The following PDX1 variants were observed in gnomAD, a reference collection of about 807,000 sequenced individuals.
PDX1 encodes the protein pancreatic and duodenal homeobox 1, also known as pancreas/duodenum homeobox protein 1.
A neutral mutation model predicts 11.1 loss-of-function variants in PDX1; 7 were observed. The ratio of observed to expected loss-of-function variants is 0.63; its 90% CI spans 0.36 to 1.19. PDX1 has a LOEUF of 1.19. Among genes scored for constraint, PDX1 ranks in the 50% most tolerant of loss-of-function variants. PDX1 has a pLI of 0.02. For synonymous variants in PDX1, 232 were observed against 196.2 expected, an observed-to-expected ratio of 1.18 and a Z score of -1.53; for missense variants, 449 against 412.1, an observed-to-expected ratio of 1.09 and a Z score of -0.78.
Position 27,926,291 on chromosome 13 carries a change from A to T in PDX1, c.*1590A>T, listed in dbSNP as rs1957825817. The T allele has an allele frequency of 6.6e-6, 1 of 152,202 alleles. No individual in the cohort carries two copies. The highest frequency in any genetic ancestry group is 2.1e-4 in the South Asian group (1 of 4,828). 9.4% of individuals were successfully genotyped at this position (152,202 alleles called of 1,614,324 possible). On this transcript the variant is annotated 3_prime_UTR_variant, in exon 2 of 2. Transcript: ENST00000381033. ...GGGATGATTCGAATTCACTTTTAAA[A>T]TTAAATTAGCGTGTTTTGTTTTGTT... is the stretch of plus-strand genomic sequence containing the variant.
At position 27,925,303 on chromosome 13, in the gene PDX1, CTCCTCT is replaced by C. The variant is rs1764799852; in HGVS notation, c.*614_*619del. 6.2e-6 allele frequency: 1 copy of C among 161,252 alleles called. No homozygotes were observed. Among genetic ancestry groups the C allele is most frequent in the Non-Finnish European group, 1.3e-5 (1 of 76,048 alleles). 10.0% of individuals were successfully genotyped at this position (161,252 alleles called of 1,614,324 possible). A position where few individuals can be genotyped will look rare whatever the true frequency, so the allele number is the denominator to read the frequency against. On this transcript the variant is annotated 3_prime_UTR_variant, in exon 2 of 2. Transcript: ENST00000381033. ...CTTCCTCCTCCTCCTCTTCTTTTCC[CTCCTCT>C]TCCTCTTCCTCCTGCTCTCCTTTCC... is the stretch of plus-strand genomic sequence containing the variant.
intron 1 of PDX1, among the ~76,000 whole-genome samples, chr13:27,922,401 C>T (rs1432335455): frequency 1.3e-5 from 2 of 152,208 alleles, no homozygotes; most frequent in Non-Finnish European, 2.9e-5. Flanking sequence ...CTGCTATCCC[C>T]GCGTTCCTCT....
Position 27,920,082 on chromosome 13 carries a change from C to T in PDX1, c.-57C>T, listed in dbSNP as rs1055620101. ...CACAGTGCCAAATCCCCGGCTCCAG[C>T]TCCCGACTCCCGGCTCCCGGCTCCC... On this transcript the variant is annotated 5_prime_UTR_variant, in exon 1 of 2. Coordinates refer to ENST00000381033, the MANE Select transcript of PDX1 (RefSeq NM_000209.4). 10 of 1,545,206 alleles carry T rather than the reference C, an allele frequency of 6.5e-6. No individual in the cohort carries two copies. In the African/African-American group the frequency reaches 1.2e-4, roughly 19 times the overall value.
chr13:27,920,433 C>A lies in PDX1; in HGVS notation c.295C>A (p.Pro99Thr), dbSNP rs1375604780. 6.3e-7 allele frequency: 1 copy of A among 1,579,320 alleles called. No homozygotes were observed. The highest frequency in any genetic ancestry group is 2.3e-5 in the East Asian group (1 of 43,330). The change falls in exon 1 of 2, where the codon CCC becomes ACC. Residue 99 changes from proline to threonine, a missense_variant. Transcript: ENST00000381033. ...QLALPHPPAGPFPEGAEPGVL... is the reference protein window; with the variant it reads ...QLALPHPPAGTFPEGAEPGVL... ...CGCGCTCCCCCACCCGCCCGCCGGGCCCTTCCCGGAGGGAGCCGAGCCGGG... is the reference window on the plus strand; with the variant it reads ...CGCGCTCCCCCACCCGCCCGCCGGGACCTTCCCGGAGGGAGCCGAGCCGGG...
intron 1 of PDX1, among the ~76,000 whole-genome samples, chr13:27,922,772 A>G (rs1957797105): frequency 6.6e-6 from 1 of 152,232 alleles, no homozygotes; most frequent in African/African-American, 2.4e-5. Flanking sequence ...CGCAGGGACT[A>G]TACGAAGCCC....
chr13:27,924,504 G>T lies in PDX1; in HGVS notation c.655G>T (p.Gly219Trp), dbSNP rs756067225. 6 of 1,611,086 alleles carry T rather than the reference G, an allele frequency of 3.7e-6. No homozygotes were observed. The highest frequency in any genetic ancestry group is 5.1e-6 in the Non-Finnish European group (6 of 1,179,364). Residue 219 changes from glycine (G) to tryptophan (W), a missense_variant, in exon 2 of 2, where the codon GGG becomes TGG. Physicochemically the swap from Gly to Trp is radical, Grantham distance 184. Coordinates refer to ENST00000381033, the MANE Select transcript of PDX1 (RefSeq NM_000209.4). The surrounding 1 kb of genome is among the most constrained non-coding windows in gnomAD (Gnocchi z 4.8). Reference protein sequence around the residue: ...RGGGTAVGGGGVAEPEQDCAV... With the variant: ...RGGGTAVGGGWVAEPEQDCAV... ...CGGCGGGACAGCTGTCGGGGGTGGC[G>T]GGGTCGCGGAGCCTGAGCAGGACTG... is the stretch of plus-strand genomic sequence containing the variant.
rs1009031133 is a variant in PDX1 at position 27,920,561 on chromosome 13, A to G, written c.406+17A>G. On this transcript the variant is annotated intron_variant, in intron 1 of 1. Transcript: ENST00000381033. ...AGTGGGCAGGTAAGCCTGGCTCCCC[A>G]CCCCTTTCTCCTTTCCGGTTCTCAC... 2.5e-6 allele frequency: 4 copies of G among 1,612,020 alleles called. No homozygotes were observed. The highest frequency in any genetic ancestry group is 3.4e-6 in the Non-Finnish European group (4 of 1,179,518).
At chr13:27,921,422 C>A (rs1957786349) in intron 1 of PDX1, among the ~76,000 whole-genome samples, 1 of 152,230 alleles carries the variant, frequency 6.6e-6, no homozygotes, top group African/African-American at 2.4e-5. Context: ...GGGGTAGCCC[C>A]CGGGTCCTTT....
In PDX1 at chr13:27,924,334, A is replaced by C. The variant is rs1169068861; in HGVS notation, c.485A>C (p.Glu162Ala). The C allele has an allele frequency of 6.2e-7, 1 of 1,612,296 alleles. No homozygotes were observed. The highest frequency in any genetic ancestry group is 1.3e-5 in the African/African-American group (1 of 74,884). Residue 162 changes from glutamate (E) to alanine (A), a missense_variant, in exon 2 of 2, where the codon GAG becomes GCG. Transcript: ENST00000381033. The surrounding 1 kb of genome is among the most constrained non-coding windows in gnomAD (Gnocchi z 4.8). ...AYTRAQLLEL[E>A]KEFLFNKYIS... ...ACGCGCGCACAGCTGCTAGAGCTGG[A>C]GAAGGAGTTCCTATTCAACAAGTAC...
intron 1 of PDX1, among the ~76,000 whole-genome samples, chr13:27,922,982 A>T (rs1472234718): frequency 1.3e-5 from 2 of 152,080 alleles, no homozygotes; most frequent in Admixed American, 1.3e-4. Flanking sequence ...CCTCTTCTCG[A>T]CCTGGGGGGA....
At chr13:27,923,226 A>C (rs1338941972) in intron 1 of PDX1, among the ~76,000 whole-genome samples, 1 of 152,226 alleles carries the variant, frequency 6.6e-6, no homozygotes, top group East Asian at 1.9e-4. Flanking sequence ...GCGCAGCGGC[A>C]AACAGTGAAT....
In PDX1 at chr13:27,924,236, A is replaced by T. The variant is rs755050153; in HGVS notation, c.407-20A>T. On this transcript the variant is annotated intron_variant, in intron 1 of 1. Transcript: ENST00000381033. This position sits in a 1 kb window ranked among gnomAD's most constrained non-coding sequence, Gnocchi z 4.8. Reference sequence around the variant, plus strand: ...GTGCGGGGCTCCGGGGGCCACACTCACGCCCTGTGTCGCCCGCAGGCGGCG... The same window carrying T: ...GTGCGGGGCTCCGGGGGCCACACTCTCGCCCTGTGTCGCCCGCAGGCGGCG... 1.7e-5 allele frequency: 26 copies of T among 1,568,254 alleles called. No individual in the cohort carries two copies. In the African/African-American group the frequency reaches 2.7e-4, roughly 16 times the overall value.
At position 27,920,092 on chromosome 13, in the gene PDX1, C is replaced by T. The variant is rs1172669434; in HGVS notation, c.-47C>T. On this transcript the variant is annotated 5_prime_UTR_variant, in exon 1 of 2. Coordinates refer to ENST00000381033, the MANE Select transcript of PDX1 (RefSeq NM_000209.4). ...AATCCCCGGCTCCAGCTCCCGACTC[C>T]CGGCTCCCGGCTCCCGGCTCCCGGT... The T allele has an allele frequency of 3.2e-6, 5 of 1,544,938 alleles. No individual in the cohort carries two copies. In the South Asian group the frequency reaches 3.6e-5, roughly 11 times the overall value.
Position 27,920,080 on chromosome 13 carries a change from A to C in PDX1, c.-59A>C. ...CACACAGTGCCAAATCCCCGGCTCC[A>C]GCTCCCGACTCCCGGCTCCCGGCTC... is the stretch of plus-strand genomic sequence containing the variant. On this transcript the variant is annotated 5_prime_UTR_variant, in exon 1 of 2. Transcript: ENST00000381033. 2 of 1,543,914 alleles carry C rather than the reference A, an allele frequency of 1.3e-6. No homozygotes were observed. The highest frequency in any genetic ancestry group is 1.8e-6 in the Non-Finnish European group (2 of 1,142,606).
chr13:27,921,165 G>A (rs1957783977), intron 1 of PDX1, among the ~76,000 whole-genome samples: 1 of 152,242 alleles, frequency 6.6e-6, no homozygotes, highest in Non-Finnish European at 1.5e-5. Flanking sequence ...GGGGCTCACC[G>A]CGAGGCTGAA....
Position 27,920,265 on chromosome 13 carries a change from C to G in PDX1, c.127C>G (p.Pro43Ala), listed in dbSNP as rs1474628031. ...GTGCCTGTACATGGGCCGCCAGCCC[C>G]CGCCGCCGCCGCCGCACCCGTTCCC... is the stretch of plus-strand genomic sequence containing the variant. Reference protein sequence around the residue: ...PACLYMGRQPPPPPPHPFPGA... With the variant: ...PACLYMGRQPAPPPPHPFPGA... Residue 43 changes from proline to alanine, a missense_variant, in exon 1 of 2, where the codon CCG (proline) becomes GCG (alanine). Pro to Ala is a conservative substitution (Grantham distance 27, BLOSUM62 -1). This residue lies in a region of PDX1 where 263 missense variants were observed against 212.5 expected (regional missense o/e 1.24). Coordinates refer to ENST00000381033, the MANE Select transcript of PDX1 (RefSeq NM_000209.4). 1 of 1,516,094 alleles carries G rather than the reference C, an allele frequency of 6.6e-7. No homozygotes were observed. The highest frequency in any genetic ancestry group is 8.9e-7 in the Non-Finnish European group (1 of 1,127,098). The allele number at this position is 1,516,094 out of a possible 1,614,324, so 93.9% of individuals were successfully genotyped here. A position where few individuals can be genotyped will look rare whatever the true frequency, so the allele number is the denominator to read the frequency against.
In PDX1 at chr13:27,924,897, G is replaced by C; in HGVS notation, c.*196G>C. Reference sequence around the variant, plus strand: ...AGTTGGGGCCCCGCGGGTAGATGCCGGCAGGCCTTCCGGAAGAAAAAGAGC... The same window carrying C: ...AGTTGGGGCCCCGCGGGTAGATGCCCGCAGGCCTTCCGGAAGAAAAAGAGC... On this transcript the variant is annotated 3_prime_UTR_variant, in exon 2 of 2. Transcript: ENST00000381033. The surrounding 1 kb of genome is among the most constrained non-coding windows in gnomAD (Gnocchi z 4.8). 2 of 452,458 alleles carry C rather than the reference G, an allele frequency of 4.4e-6. No homozygotes were observed. The highest frequency in any genetic ancestry group is 3.8e-6 in the Non-Finnish European group (1 of 266,346). 28.0% of individuals were successfully genotyped at this position (452,458 alleles called of 1,614,324 possible).
At position 27,920,534 on chromosome 13, in the gene PDX1, C is replaced by T. The variant is rs781552927; in HGVS notation, c.396C>T (p.Gly132=). ...CTACCAAAGCTCACGCGTGGAAAGG[C>T]CAGTGGGCAGGTAAGCCTGGCTCCC... ...MKSTKAHAWK[G]QWAGGAYAAE... is the part of the protein sequence containing the mutation. Residue 132 remains glycine (G), a synonymous_variant, in exon 1 of 2, where the codon GGC becomes GGT. Coordinates refer to ENST00000381033, the MANE Select transcript of PDX1 (RefSeq NM_000209.4). The T allele has an allele frequency of 1.4e-5, 22 of 1,612,914 alleles. No homozygotes were observed. In the South Asian group the frequency reaches 2.3e-4, roughly 17 times the overall value.
In PDX1 at chr13:27,924,669, G is replaced by T. The variant is rs930365498; in HGVS notation, c.820G>T (p.Val274Phe). ...TAGCGCGTCGCCACAGCCCTCCAGC[G>T]TCGCGCCTCGGCGGCCGCAGGAACC... Reference protein sequence around the residue: ...GLSASPQPSSVAPRRPQEPR With the variant: ...GLSASPQPSSFAPRRPQEPR Residue 274 changes from valine to phenylalanine, a missense_variant, in exon 2 of 2, where the codon GTC becomes TTC. Transcript: ENST00000381033. This position sits in a 1 kb window ranked among gnomAD's most constrained non-coding sequence, Gnocchi z 4.8. 33 of 1,471,184 alleles carry T rather than the reference G, an allele frequency of 2.2e-5. No homozygotes were observed. The Admixed American group carries it at 6.5e-4, about 29-fold the overall frequency. The allele number at this position is 1,471,184 out of a possible 1,614,324, so 91.1% of individuals were successfully genotyped here.
Sources: gnomAD v4.1 joint callset for allele counts (sites outside exome capture counted in the v4.1 genomes callset) on GRCh38, gnomAD v4.1.1 for gene constraint, gnomAD v4.1.1 regional missense constraint, Gnocchi (gnomAD v3.1) non-coding constraint, MANE v1.5 for transcripts, NCBI Gene and HGNC (gene_info 2026-07-23, HGNC 2026-07-21) for gene names.